The following PRSS33 variants were observed in gnomAD, a reference collection of about 807,000 sequenced individuals.
PRSS33 encodes the protein serine protease 33, also known as protease, serine 33.
A neutral mutation model predicts 26.7 loss-of-function variants in PRSS33; 32 were observed. That is an observed-to-expected ratio of 1.20 (90% CI 0.90 to 1.61). PRSS33 has a LOEUF of 1.61. PRSS33 is among the 40% of genes most tolerant of loss of function. The probability of loss-of-function intolerance (pLI) is 0.00; values close to 1 mark genes in which losing one functional copy is unlikely to be tolerated. For missense variants in PRSS33, 450 were observed against 396.3 expected (o/e 1.14, Z -1.15); for synonymous variants, 192 against 177.6 (o/e 1.08, Z -0.64).
rs534239129 is a variant in PRSS33, at chr16:2,785,060, A to G, written c.626T>C (p.Ile209Thr). The G allele has an allele frequency of 8.2e-6, 13 of 1,580,886 alleles. No homozygotes were observed. The highest frequency in any genetic ancestry group is 8.1e-5 in the South Asian group (7 of 86,932). ...VGADVPQAER[I>T]VLPGSLCAGY... The stretch of plus-strand genomic sequence containing the variant: ...GGCACACAGACTCCCAGGCAGCACA[A>G]TGCGCTCAGCCTGGGGCACGTCCGC... Residue 209 changes from isoleucine to threonine, a missense_variant, in exon 6 of 7, where the codon ATT becomes ACT. Transcript: ENST00000682474.
At position 2,785,628 on chromosome 16, in the gene PRSS33, C is replaced by A; in HGVS notation, c.261G>T (p.Glu87Asp). 6.7e-7 allele frequency: 1 copy of A among 1,500,352 alleles called. No individual in the cohort carries two copies. Among genetic ancestry groups the A allele is most frequent in the Non-Finnish European group, 8.8e-7 (1 of 1,131,950 alleles). 92.9% of individuals were successfully genotyped at this position (1,500,352 alleles called of 1,614,324 possible). A position where few individuals can be genotyped will look rare whatever the true frequency, so the allele number is the denominator to read the frequency against. ...GCAGCGCCCCCAGGCGCACGCGGTA[C>A]TCAGCTGGCAGTGCCCTCCTGCAGG... ...HCFPRRALPA[E>D]YRVRLGALRL... Residue 87 changes from glutamate (E) to aspartate (D), a missense_variant, in exon 5 of 7, where the codon GAG (glutamate) becomes GAT (aspartate). By Grantham distance (45) the Glu-to-Asp change is conservative. Transcript: ENST00000682474.
At chr16:2,787,318 A>G (rs536433268) in intron 1 of PRSS33, among the ~76,000 whole-genome samples, 3 of 2,096 alleles carry the variant, frequency 1.4e-3, no homozygotes, top group Admixed American at 6.8e-3. Context: ...CTCTCTCATC[A>G]CCCCTCCTCC....
At chr16:2,785,304 G>A (rs2068859997) in intron 5 of PRSS33, 71 bp downstream of exon 5, 1 of 1,453,188 alleles carries the variant, frequency 6.9e-7, no homozygotes, top group South Asian at 1.4e-5. Context: ...GTGAGGGGCT[G>A]GGATTTCCAG....
At chr16:2,786,217 A>G (rs1157725348) in intron 2 of PRSS33, 96 bp from the exon 3 acceptor site, 5 of 1,152,856 alleles carry the variant, frequency 4.3e-6, no homozygotes, top group African/African-American at 1.5e-5. Flanking sequence ...GGGTGAAACA[A>G]TGTTGCCCTG....
intron 1 of PRSS33, 129 bp from the exon 2 acceptor site, chr16:2,786,733 G>A: frequency 1.6e-6 from 1 of 635,384 alleles, no homozygotes; most frequent in South Asian, 2.0e-5. Flanking sequence ...TTATCCTGGT[G>A]GCCCAGGCTG....
Position 2,784,578 on chromosome 16 carries a change from G to A in PRSS33, c.*66C>T. Reference sequence around the variant, plus strand: ...GAAGGGATGTGGGGTATAGGCAGGTGCCTGGATGAACCAGGAGGCTGAGGG... The same window carrying A: ...GAAGGGATGTGGGGTATAGGCAGGTACCTGGATGAACCAGGAGGCTGAGGG... On this transcript the variant is annotated 3_prime_UTR_variant, in exon 7 of 7. Transcript: ENST00000682474. The A allele has an allele frequency of 1.4e-6, 2 of 1,463,144 alleles. No homozygotes were observed. Among genetic ancestry groups the A allele is most frequent in the Non-Finnish European group, 1.8e-6 (2 of 1,087,110 alleles). The allele number at this position is 1,463,144 out of a possible 1,614,324, so 90.6% of individuals were successfully genotyped here.
chr16:2,784,334 T>G lies in PRSS33; in HGVS notation c.*310A>C. The G allele has an allele frequency of 4.3e-6, 1 of 231,484 alleles. No homozygotes were observed. The highest frequency in any genetic ancestry group is 8.6e-6 in the Non-Finnish European group (1 of 116,784). The allele number at this position is 231,484 out of a possible 1,614,324, so 14.3% of individuals were successfully genotyped here. A position where few individuals can be genotyped will look rare whatever the true frequency, so the allele number is the denominator to read the frequency against. ...AGATGGGCAGCAATTGGTTTGCCCA[T>G]CACTGCGTGCCTTGCGCCCAGCCCT... On this transcript the variant is annotated 3_prime_UTR_variant, in exon 7 of 7. Transcript: ENST00000682474.
chr16:2,785,214 G>C, intron 5 of PRSS33, 43 bp from the exon 6 acceptor site: 3 of 1,501,768 alleles, frequency 2.0e-6, no homozygotes, highest in South Asian at 2.5e-5. Flanking sequence ...GCGTGGAGCG[G>C]GGGCCAGTGG....
chr16:2,786,284 T>C (rs898513985), intron 2 of PRSS33, among the ~76,000 whole-genome samples, 163 bp from the exon 3 acceptor site: 1 of 152,112 alleles, frequency 6.6e-6, no homozygotes, highest in Non-Finnish European at 1.5e-5. Flanking sequence ...CCCAGAGCAC[T>C]GTGAAGGTGC....
At position 2,785,827 on chromosome 16, in the gene PRSS33, C is replaced by G; in HGVS notation, c.214G>C (p.Val72Leu). The change falls in exon 4 of 7, where the codon GTG becomes CTG. Residue 72 changes from valine to leucine, a missense_variant. Coordinates refer to ENST00000682474, the MANE Select transcript of PRSS33 (RefSeq NM_152891.3). ...CGGSLIAPQW[V>L]LTAAHCFPRR... Reference sequence around the variant, plus strand: ...GGGAAGCAGTGCGCCGCTGTCAGCACCCACTGGGGGGCGATGAGCGACCCC... The same window carrying G: ...GGGAAGCAGTGCGCCGCTGTCAGCAGCCACTGGGGGGCGATGAGCGACCCC... 6.2e-7 allele frequency: 1 copy of G among 1,604,992 alleles called. No individual in the cohort carries two copies. The highest frequency in any genetic ancestry group is 8.5e-7 in the Non-Finnish European group (1 of 1,178,442).
intron 1 of PRSS33, 65 bp from the exon 2 acceptor site, chr16:2,786,669 G>C: frequency 1.8e-6 from 2 of 1,086,078 alleles, no homozygotes; most frequent in Non-Finnish European, 2.7e-6. Flanking sequence ...ACACCAGCCC[G>C]TCACCCCCTC....
Position 2,784,424 on chromosome 16 carries a change from C to CA in PRSS33, c.*219dup, listed in dbSNP as rs572194364. On this transcript the variant is annotated 3_prime_UTR_variant, in exon 7 of 7. Transcript: ENST00000682474. ...GTGGGGAGTGTGACTCCCTGGGACT[C>CA]ATGGCAGATTCCTGGATGAGGGTTG... 6.9e-3 allele frequency: 3,480 copies of CA among 501,824 alleles called. 16 individuals are homozygous for CA. Among genetic ancestry groups the CA allele is most frequent in the Non-Finnish European group, 9.0e-3 (2,555 of 284,032 alleles). The allele number at this position is 501,824 out of a possible 1,614,324, so 31.1% of individuals were successfully genotyped here.
At position 2,785,831 on chromosome 16, in the gene PRSS33, C is replaced by G. The variant is rs772130860; in HGVS notation, c.210G>C (p.Gln70His). The change falls in exon 4 of 7, where the codon CAG (glutamine) becomes CAC (histidine). Residue 70 changes from glutamine to histidine, a missense_variant. Transcript: ENST00000682474. ...AGCAGTGCGCCGCTGTCAGCACCCA[C>G]TGGGGGGCGATGAGCGACCCCCCGC... is the stretch of plus-strand genomic sequence containing the variant. ...HVCGGSLIAP[Q>H]WVLTAAHCFP... 3 of 1,605,834 alleles carry G rather than the reference C, an allele frequency of 1.9e-6. No individual in the cohort carries two copies. Among genetic ancestry groups the G allele is most frequent in the African/African-American group, 2.7e-5 (2 of 74,850 alleles).
chr16:2,785,138 A>T lies in PRSS33; in HGVS notation c.548T>A (p.Val183Glu), dbSNP rs1324433898. 6 of 1,543,100 alleles carry T rather than the reference A, an allele frequency of 3.9e-6. No homozygotes were observed. Among genetic ancestry groups the T allele is most frequent in the Admixed American group, 2.0e-5 (1 of 51,026 alleles). Reference protein sequence around the residue: ...PLPEWRPLQGVRVPLLDSRTC... With the variant: ...PLPEWRPLQGERVPLLDSRTC... ...GCGCGAGTCCAGCAGCGGCACCCTT[A>T]CTCCTTGTAGCGGTCGCCACTCTGG... Residue 183 changes from valine to glutamate, a missense_variant, in exon 6 of 7, where the codon GTA becomes GAA. Physicochemically the swap from Val to Glu is moderately radical, Grantham distance 121. Coordinates refer to ENST00000682474, the MANE Select transcript of PRSS33 (RefSeq NM_152891.3).
Position 2,785,943 on chromosome 16 carries a change from A to C in PRSS33, c.98T>G (p.Met33Arg), listed in dbSNP as rs760138836. The change falls in exon 4 of 7, where the codon ATG becomes AGG. Residue 33 changes from methionine to arginine, a missense_variant. Transcript: ENST00000682474. Reference protein sequence around the residue: ...RKSAACGQPRMSSRIVGGRDG... With the variant: ...RKSAACGQPRRSSRIVGGRDG... ...CCGGCCCCCAACGATCCGACTGGAC[A>C]TGCGGGGCTGCCCGCAGGCTAGAAA... The C allele has an allele frequency of 3.1e-6, 5 of 1,612,604 alleles. No homozygotes were observed. The highest frequency in any genetic ancestry group is 4.2e-6 in the Non-Finnish European group (5 of 1,179,870).
chr16:2,787,070 C>T (rs2068883499), intron 1 of PRSS33, among the ~76,000 whole-genome samples: 1 of 36,952 alleles, frequency 2.7e-5, no homozygotes, highest in Admixed American at 2.3e-4. Context: ...GTCACCCCTG[C>T]TCCTCCTCAC....
At chr16:2,786,275 C>G (rs547586218) in intron 2 of PRSS33, among the ~76,000 whole-genome samples, 154 bp from the exon 3 acceptor site, 22 of 152,238 alleles carry the variant, frequency 1.4e-4, no homozygotes, top group African/African-American at 4.6e-4. Flanking sequence ...TTAACCCTCC[C>G]CAGAGCACTG....
Position 2,785,375 on chromosome 16 carries a change from C to T in PRSS33, c.514G>A (p.Val172Met), listed in dbSNP as rs560462395. The T allele has an allele frequency of 3.2e-4, 459 of 1,437,296 alleles. 1 individual carries two copies. The African/African-American group carries it at 6.1e-3, about 19-fold the overall frequency. The allele number at this position is 1,437,296 out of a possible 1,614,324, so 89.0% of individuals were successfully genotyped here. Residue 172 changes from valine (V) to methionine (M), a missense_variant and splice_region_variant, in exon 5 of 7, where the codon GTG (valine) becomes ATG (methionine). By Grantham distance (21) the Val-to-Met change is conservative. Coordinates refer to ENST00000682474, the MANE Select transcript of PRSS33 (RefSeq NM_152891.3). ...VTGWGSLRPG[V>M]PLPEWRPLQG... ...TCGGAGCCCCGCCCTCCTGCCTTAC[C>T]TCCTGGGCGGAGGCTGCCCCAGCCG...
At chr16:2,786,282 A>G (rs1173825673) in intron 2 of PRSS33, among the ~76,000 whole-genome samples, 161 bp from the exon 3 acceptor site, 2 of 152,160 alleles carry the variant, frequency 1.3e-5, no homozygotes, top group African/African-American at 4.8e-5. Context: ...TCCCCAGAGC[A>G]CTGTGAAGGT....
Sources: allele counts gnomAD v4.1 joint callset (sites outside exome capture counted in the v4.1 genomes callset), GRCh38; gene constraint gnomAD v4.1.1; transcripts MANE v1.5; gene names NCBI Gene and HGNC (gene_info 2026-07-23, HGNC 2026-07-21).